FAM81B: variants seen among roughly 807,000 people sequenced by gnomAD.
FAM81B encodes family with sequence similarity 81 member B.
FAM81B carries 60 observed loss-of-function variants against 58.7 expected under a neutral mutation model. That is an observed-to-expected ratio of 1.02 (90% CI 0.83 to 1.27). The LOEUF (loss-of-function observed/expected upper bound fraction) is 1.27. Ranked by LOEUF, FAM81B falls within the 50% of genes most tolerant of loss-of-function variation. FAM81B has a pLI of 0.00. For missense variants in FAM81B, 491 were observed against 522.0 expected (o/e 0.94, Z 0.58); for synonymous variants, 189 against 179.6 (o/e 1.05, Z -0.42).
chr5:95,434,915 C>T (rs1745042919), intron 6 of FAM81B, among the ~76,000 whole-genome samples: 1 of 152,130 alleles, frequency 6.6e-6, no homozygotes, highest in South Asian at 2.1e-4. Flanking sequence ...AAGCAAATGC[C>T]ATAAAGGAAT....
intron 1 of FAM81B, among the ~76,000 whole-genome samples, chr5:95,391,960 T>G (rs891773698): frequency 1.3e-5 from 2 of 150,018 alleles, no homozygotes; most frequent in African/African-American, 4.8e-5. Context: ...CTCAAGGATC[T>G]AGAACTAGAA....
chr5:95,438,079 A>C (rs1305513224), intron 7 of FAM81B, among the ~76,000 whole-genome samples: 2 of 152,200 alleles, frequency 1.3e-5, no homozygotes. Flanking sequence ...TCATTTTAAG[A>C]TATTTCTTGA....
At chr5:95,407,777 T>G (rs1363896180) in intron 3 of FAM81B, among the ~76,000 whole-genome samples, 1 of 152,246 alleles carries the variant, frequency 6.6e-6, no homozygotes, top group African/African-American at 2.4e-5. Context: ...ACATGTATTC[T>G]CCTTCTTTAT....
At position 95,403,420 on chromosome 5, in the gene FAM81B, T is replaced by C. The variant is rs182470812; in HGVS notation, c.293+7245T>C. ...TTGTATATGAACTAGAGTAAATATT[T>C]AGTAAGTACTTAATGTATCTTTATT... On this transcript the variant is annotated intron_variant, in intron 3 of 9. Transcript: ENST00000283357. Among the ~76,000 whole-genome samples the C allele has an allele frequency of 3.5e-4, 53 of 152,378 alleles. 1 individual carries two copies. The highest frequency in any genetic ancestry group is 2.0e-3 in the Admixed American group (30 of 15,310).
chr5:95,420,659 C>G (rs1275202959), intron 5 of FAM81B, among the ~76,000 whole-genome samples: 2 of 152,186 alleles, frequency 1.3e-5, no homozygotes, highest in South Asian at 4.1e-4. Context: ...CAGCCTCAAC[C>G]GTCCAAATGC....
chr5:95,424,447 T>TA (rs1561303865), intron 5 of FAM81B, among the ~76,000 whole-genome samples: 35 of 130,698 alleles, frequency 2.7e-4, no homozygotes, highest in East Asian at 1.2e-3. Flanking sequence ...GACAAAGAAT[T>TA]TAAAAAAAAA....
chr5:95,447,467 G>A (rs142909790), intron 8 of FAM81B, among the ~76,000 whole-genome samples: 64 of 152,328 alleles, frequency 4.2e-4, no homozygotes, highest in Non-Finnish European at 1.9e-4. Flanking sequence ...AAGTATGTGT[G>A]GTAAGACTGC....
At chr5:95,394,559 G>A (rs1338706291) in intron 2 of FAM81B, among the ~76,000 whole-genome samples, 2 of 152,212 alleles carry the variant, frequency 1.3e-5, no homozygotes, top group African/African-American at 4.8e-5. Flanking sequence ...ACGGCAGAAG[G>A]CATCAGGTCC....
chr5:95,406,233 C>T (rs1367869633), intron 3 of FAM81B: 1 of 154,474 alleles, frequency 6.5e-6, no homozygotes, highest in East Asian at 1.9e-4. Flanking sequence ...TATTACAGAG[C>T]ACACTGGGAT....
At chr5:95,400,382 G>A (rs113492798) in intron 3 of FAM81B, among the ~76,000 whole-genome samples, 6,782 of 151,430 alleles carry the variant, frequency 0.045, 318 homozygotes, top group African/African-American at 0.12. Context: ...CTGTGTTTCT[G>A]TCTTCCTACA....
At chr5:95,447,996 G>A (rs1242946120) in intron 8 of FAM81B, among the ~76,000 whole-genome samples, 3 of 152,086 alleles carry the variant, frequency 2.0e-5, no homozygotes, top group Non-Finnish European at 2.9e-5. Flanking sequence ...AAATGTCTTT[G>A]AATATTAGAC....
At chr5:95,422,267 T>A in intron 5 of FAM81B, among the ~76,000 whole-genome samples, 1 of 150,944 alleles carries the variant, frequency 6.6e-6, no homozygotes, top group East Asian at 1.9e-4. Flanking sequence ...TGTCAGCCAG[T>A]CCAGAGAATA....
At chr5:95,406,553 G>C (rs1762250907) in intron 3 of FAM81B, among the ~76,000 whole-genome samples, 1 of 152,126 alleles carries the variant, frequency 6.6e-6, no homozygotes, top group African/African-American at 2.4e-5. Flanking sequence ...GCAGTTCTCA[G>C]AGAAAGCTAA....
chr5:95,400,086 T>C (rs893297913), intron 3 of FAM81B, among the ~76,000 whole-genome samples: 7 of 152,302 alleles, frequency 4.6e-5, no homozygotes, highest in Non-Finnish European at 8.8e-5. Context: ...AAGCACTAAA[T>C]AGAAATAAGA....
At chr5:95,448,617 G>C (rs1387392340) in intron 9 of FAM81B, 153 bp downstream of exon 9, 1 of 723,938 alleles carries the variant, frequency 1.4e-6, no homozygotes, top group Admixed American at 2.9e-5. Flanking sequence ...TATAGAATAT[G>C]AGTATTATAC....
At chr5:95,405,458 G>C (rs1762220092) in intron 3 of FAM81B, among the ~76,000 whole-genome samples, 1 of 151,706 alleles carries the variant, frequency 6.6e-6, no homozygotes, top group South Asian at 2.1e-4. Context: ...ATACCTAATG[G>C]TTCTACTTAC....
chr5:95,393,186 G>A (rs1582775325), intron 2 of FAM81B, among the ~76,000 whole-genome samples: 1 of 152,168 alleles, frequency 6.6e-6, no homozygotes, highest in East Asian at 1.9e-4. Context: ...TAAACTCAAG[G>A]TGCAGACTTT....
rs182756239 is a variant in FAM81B at position 95,448,319 on chromosome 5, A to C, written c.1080A>C (p.Lys360Asn). The change falls in exon 9 of 10, where the codon AAA becomes AAC. Residue 360 changes from lysine to asparagine, a missense_variant. By Grantham distance (94) the Lys-to-Asn change is moderately conservative. Transcript: ENST00000283357. ...MEEKLLQLSSKVENFINTQKQ... is the reference protein window; with the variant it reads ...MEEKLLQLSSNVENFINTQKQ... ...AAAAACTGCTGCAGCTTTCAAGCAA[A>C]GTAGAGAATTTCATTAACACACAGA... 1 of 1,609,844 alleles carries C rather than the reference A, an allele frequency of 6.2e-7. No homozygotes were observed. Among genetic ancestry groups the C allele is most frequent in the East Asian group, 2.2e-5 (1 of 44,804 alleles).
chr5:95,399,151 T>C (rs1762041845), intron 3 of FAM81B, among the ~76,000 whole-genome samples: 1 of 152,252 alleles, frequency 6.6e-6, no homozygotes, highest in South Asian at 2.1e-4. Flanking sequence ...GAATGATATT[T>C]AAAATCTGGA....
Sources: allele counts gnomAD v4.1 joint callset (sites outside exome capture counted in the v4.1 genomes callset), GRCh38; gene constraint gnomAD v4.1.1; transcripts MANE v1.5; gene names NCBI Gene and HGNC (gene_info 2026-07-23, HGNC 2026-07-21).